ABLIM1: variants seen among roughly 807,000 people sequenced by gnomAD.
ABLIM1 encodes the protein actin binding LIM protein 1.
In ABLIM1, 40 loss-of-function variants were observed where a neutral mutation model predicts 107.0. The observed-to-expected ratio is 0.37, with a 90% CI of 0.29 to 0.49. The LOEUF (loss-of-function observed/expected upper bound fraction) is 0.49, where lower values mean the gene tolerates loss of function less well. Among genes scored for constraint, ABLIM1 ranks in the 20% least tolerant of loss-of-function variants. The pLI is 0.97. For missense variants in ABLIM1, 857 were observed against 1,008.5 expected (o/e 0.85, Z 2.04); for synonymous variants, 357 against 357.3 (o/e 1.00, Z 0.01).
chr10:114,795,032 A>AACC, the ABLIM1 span, among the ~76,000 whole-genome samples: 2 of 152,226 alleles, frequency 1.3e-5, no homozygotes, highest in African/African-American at 4.8e-5. Context: ...TGTTCTAATG[A>AACC]AACTTAAACC....
chr10:114,714,104 C>T (rs887690835), intron 1 of ABLIM1, among the ~76,000 whole-genome samples: 1 of 152,208 alleles, frequency 6.6e-6, no homozygotes, highest in African/African-American at 2.4e-5. Flanking sequence ...CCCAAAAGAA[C>T]ACTGTCTGAA....
At chr10:114,590,942 C>T (rs933913061) in intron 2 of ABLIM1, among the ~76,000 whole-genome samples, 4 of 152,102 alleles carry the variant, frequency 2.6e-5, no homozygotes, top group African/African-American at 9.7e-5. Context: ...TCTAGAATAC[C>T]TCTCTAGACA....
At chr10:114,752,018 T>G (rs550457143) in intron 1 of ABLIM1, among the ~76,000 whole-genome samples, 1 of 152,262 alleles carries the variant, frequency 6.6e-6, no homozygotes, top group East Asian at 1.9e-4. Context: ...TCCCCAACCC[T>G]TTGCTCAAGT....
At chr10:114,531,910 G>A (rs910676443) in intron 6 of ABLIM1, among the ~76,000 whole-genome samples, 7 of 152,100 alleles carry the variant, frequency 4.6e-5, no homozygotes, top group African/African-American at 1.7e-4. Context: ...CACCTCCTGG[G>A]TTCCAGCAAT....
chr10:114,687,281 A>C (rs1044814852), upstream of ABLIM1, among the ~76,000 whole-genome samples: 2 of 152,248 alleles, frequency 1.3e-5, no homozygotes, highest in East Asian at 1.9e-4. Flanking sequence ...CAGTACAACT[A>C]TGAACTTTTC....
intron 1 of ABLIM1, among the ~76,000 whole-genome samples, chr10:114,761,213 A>T (rs1379803696): frequency 6.6e-6 from 1 of 152,110 alleles, no homozygotes; most frequent in African/African-American, 2.4e-5. Flanking sequence ...CCATTTATCA[A>T]CTAGCAGATA....
intron 1 of ABLIM1, chr10:114,632,483 C>G (rs1591672347): frequency 8.1e-6 from 8 of 985,308 alleles, no homozygotes; most frequent in Non-Finnish European, 9.6e-6. Context: ...ATAAAATTGG[C>G]CTTAATGTAA....
intron 2 of ABLIM1, among the ~76,000 whole-genome samples, chr10:114,600,061 A>G (rs2075829716): frequency 6.6e-6 from 1 of 152,132 alleles, no homozygotes; most frequent in South Asian, 2.1e-4. Flanking sequence ...GAACCTGCAA[A>G]CTTCAGACCT....
At chr10:114,795,469 G>A in the ABLIM1 span, among the ~76,000 whole-genome samples, 2 of 152,186 alleles carry the variant, frequency 1.3e-5, no homozygotes, top group African/African-American at 2.4e-5. Flanking sequence ...CACTTTGGGA[G>A]GCCGAAGTGG....
chr10:114,458,371 C>G (rs2063228443), intron 12 of ABLIM1, among the ~76,000 whole-genome samples: 1 of 152,102 alleles, frequency 6.6e-6, no homozygotes, highest in Non-Finnish European at 1.5e-5. Flanking sequence ...GTACTTAACA[C>G]ATTTAAATGC....
At chr10:114,634,411 C>T (rs886338374) in intron 1 of ABLIM1, among the ~76,000 whole-genome samples, 22 of 151,884 alleles carry the variant, frequency 1.4e-4, no homozygotes, top group African/African-American at 5.1e-4. Flanking sequence ...GGATTACAGG[C>T]GTGAGCCACC....
chr10:114,651,591 C>T (rs4568917), intron 1 of ABLIM1, among the ~76,000 whole-genome samples: 48,132 of 151,916 alleles, frequency 0.32, 8,687 homozygotes, highest in Non-Finnish European at 0.42. Flanking sequence ...AAGGCTTAAC[C>T]GTCAAGAGCT....
intron 6 of ABLIM1, among the ~76,000 whole-genome samples, chr10:114,503,662 G>A (rs2060738930): frequency 6.6e-6 from 1 of 152,160 alleles, no homozygotes; most frequent in South Asian, 2.1e-4. Context: ...TTTTTGCTTT[G>A]TATTACAATT....
intron 8 of ABLIM1, among the ~76,000 whole-genome samples, chr10:114,485,694 T>C (rs2058086980): frequency 6.6e-6 from 1 of 152,196 alleles, no homozygotes; most frequent in Non-Finnish European, 1.5e-5. Context: ...CTGAGAGCCA[T>C]CCTTGAGAAT....
intron 1 of ABLIM1, among the ~76,000 whole-genome samples, chr10:114,722,736 T>C (rs572992718): frequency 6.6e-6 from 1 of 152,374 alleles, no homozygotes. Context: ...GGTAATGCTT[T>C]GTCCTTGCCT....
intron 1 of ABLIM1, among the ~76,000 whole-genome samples, chr10:114,680,435 A>G (rs555039471): frequency 1.2e-4 from 19 of 152,352 alleles, no homozygotes; most frequent in African/African-American, 4.6e-4. Flanking sequence ...TTCCTTCTAC[A>G]AGTCCATAGT....
chr10:114,693,581 G>T (rs559155092), intron 1 of ABLIM1, among the ~76,000 whole-genome samples: 2 of 152,118 alleles, frequency 1.3e-5, no homozygotes, highest in Admixed American at 6.5e-5. Context: ...CCATATAAGC[G>T]CAGGCTTGCA....
intron 1 of ABLIM1, among the ~76,000 whole-genome samples, chr10:114,616,176 A>G (rs926869367): frequency 6.6e-6 from 1 of 152,144 alleles, no homozygotes; most frequent in Non-Finnish European, 1.5e-5. Flanking sequence ...CTATAAGAAA[A>G]AAAAAGTTTA....
chr10:114,688,299 C>T (rs1347450432), upstream of ABLIM1, among the ~76,000 whole-genome samples: 2 of 152,086 alleles, frequency 1.3e-5, no homozygotes, highest in Non-Finnish European at 2.9e-5. Flanking sequence ...TACATACGGT[C>T]CCTAAGTGCA....
Sources: allele counts gnomAD v4.1 joint callset (sites outside exome capture counted in the v4.1 genomes callset), GRCh38; gene constraint gnomAD v4.1.1; transcripts MANE v1.5; gene names NCBI Gene and HGNC (gene_info 2026-07-23, HGNC 2026-07-21).